MAP4K4: variants seen among roughly 807,000 people sequenced by gnomAD.
MAP4K4 encodes the protein HPK/GCK-like kinase HGK.
MAP4K4 carries 38 observed loss-of-function variants against 189.6 expected under a neutral mutation model. That is an observed-to-expected ratio of 0.20 (90% CI 0.15 to 0.26). The LOEUF (loss-of-function observed/expected upper bound fraction) is 0.26. MAP4K4 is among the 10% of genes least tolerant of loss of function. MAP4K4 has a pLI of 1.00. For synonymous variants in MAP4K4, 610 were observed against 624.3 expected (o/e 0.98, Z 0.34); for missense variants, 1,054 against 1,726.9 (o/e 0.61, Z 6.91).
At chr2:101,889,460 C>A (rs1390517204) in intron 32 of MAP4K4, among the ~76,000 whole-genome samples, 2 of 152,112 alleles carry the variant, frequency 1.3e-5, no homozygotes, top group African/African-American at 4.8e-5. Context: ...TGGCATGACA[C>A]CCCCTTTGCT....
At chr2:101,804,696 C>T (rs768723290) in intron 3 of MAP4K4, among the ~76,000 whole-genome samples, 5 of 152,130 alleles carry the variant, frequency 3.3e-5, no homozygotes, top group Non-Finnish European at 7.4e-5. Context: ...AACCAGTTCT[C>T]GAGGGTAGCT....
chr2:101,876,980 GC>G, intron 26 of MAP4K4, 22 bp from the exon 27 acceptor site: 1 of 1,613,158 alleles, frequency 6.2e-7, no homozygotes, highest in Non-Finnish European at 8.5e-7. Flanking sequence ...TAAAATTGAG[GC>G]CTTTCTGTGT....
chr2:101,829,960 A>T (rs1314131469), intron 6 of MAP4K4, among the ~76,000 whole-genome samples: 1 of 151,826 alleles, frequency 6.6e-6, no homozygotes, highest in Non-Finnish European at 1.5e-5. Flanking sequence ...TTCCCTCCTC[A>T]TTTTATGTCC....
intron 2 of MAP4K4, among the ~76,000 whole-genome samples, chr2:101,770,812 A>G (rs919827265): frequency 4.6e-5 from 7 of 152,188 alleles, no homozygotes; most frequent in African/African-American, 1.7e-4. Context: ...CAAGACCCAT[A>G]ATTGTCCCAG....
intron 31 of MAP4K4, 70 bp from the exon 32 acceptor site, chr2:101,888,726 T>TGA: frequency 8.9e-7 from 1 of 1,120,852 alleles, no homozygotes; most frequent in Non-Finnish European, 1.2e-6. Flanking sequence ...ATATTTTTAT[T>TGA]AAGTAAGCAA....
At chr2:101,817,396 G>C (rs1024041916) in intron 3 of MAP4K4, among the ~76,000 whole-genome samples, 42 of 152,128 alleles carry the variant, frequency 2.8e-4, no homozygotes, top group African/African-American at 9.9e-4. Context: ...CTCCTTGTGG[G>C]TCATTCAGGC....
intron 2 of MAP4K4, among the ~76,000 whole-genome samples, chr2:101,731,195 C>G (rs1033215293): frequency 1.1e-4 from 16 of 151,884 alleles, no homozygotes; most frequent in African/African-American, 3.9e-4. Context: ...CGGCTCACTG[C>G]AACCTCCGCC....
Position 101,889,011 on chromosome 2 carries a change from T to A in MAP4K4, c.4071+76T>A, listed in dbSNP as rs981249151. The A allele has an allele frequency of 2.6e-5, 33 of 1,267,434 alleles. No individual in the cohort carries two copies. The Middle Eastern group carries it at 9.8e-4, about 38-fold the overall frequency. 78.5% of individuals were successfully genotyped at this position (1,267,434 alleles called of 1,614,324 possible). A position where few individuals can be genotyped will look rare whatever the true frequency, so the allele number is the denominator to read the frequency against. On this transcript the variant is annotated intron_variant, in intron 32 of 32. Coordinates refer to ENST00000324219, the Ensembl canonical transcript of MAP4K4. ...GCTTGTTTTCCATGGAGTTTGATGA[T>A]TAATTTCCTTGGAGTTTTGATAAAA...
At chr2:101,718,864 A>C (rs949668410) in intron 2 of MAP4K4, among the ~76,000 whole-genome samples, 1 of 152,120 alleles carries the variant, frequency 6.6e-6, no homozygotes, top group Non-Finnish European at 1.5e-5. Context: ...CCATACTTTC[A>C]ATAGTAAGGA....
At chr2:101,725,400 AC>A (rs1157174054) in intron 2 of MAP4K4, among the ~76,000 whole-genome samples, 41 of 148,968 alleles carry the variant, frequency 2.8e-4, no homozygotes, top group Non-Finnish European at 4.6e-4. Context: ...AAAAAAAAAA[AC>A]AAAAACAAAA....
chr2:101,891,142 C>T (rs370121619), intron 32 of MAP4K4, 24 bp from the exon 33 acceptor site: 7 of 1,593,748 alleles, frequency 4.4e-6, no homozygotes, highest in African/African-American at 1.3e-5. Flanking sequence ...GGTAACCATT[C>T]CCTCTCTTTT....
rs147009113 is a variant in MAP4K4, at chr2:101,870,606, G to GTCT, written c.2760+192_2760+194dup. ...CTGCATGCCCAGAAGGTAGCGAGTAGTCTCCACCCCACATCGCTGCTCCTC... is the reference window on the plus strand; with the variant it reads ...CTGCATGCCCAGAAGGTAGCGAGTAGTCTTCTCCACCCCACATCGCTGCTCCTC... On this transcript the variant is annotated intron_variant, in intron 23 of 32. Transcript: ENST00000324219. 2,201 of 638,520 alleles carry GTCT rather than the reference G, an allele frequency of 3.4e-3. 48 individuals carry two copies. The African/African-American group carries it at 0.037, about 11-fold the overall frequency. 39.6% of individuals were successfully genotyped at this position (638,520 alleles called of 1,614,324 possible).
chr2:101,859,719 A>G (rs1281902801), exon 15 of MAP4K4: 1 of 1,612,654 alleles, frequency 6.2e-7, no homozygotes, highest in South Asian at 1.1e-5. Flanking sequence ...GAACAAGCAT[A>G]TCTCCTGTCT....
At chr2:101,770,694 A>G (rs955674349) in intron 2 of MAP4K4, among the ~76,000 whole-genome samples, 9 of 152,214 alleles carry the variant, frequency 5.9e-5, no homozygotes, top group African/African-American at 2.2e-4. Context: ...AATAGAGAGT[A>G]GGTCTTCATG....
intron 2 of MAP4K4, among the ~76,000 whole-genome samples, chr2:101,757,955 A>G (rs2073770879): frequency 6.6e-6 from 1 of 152,168 alleles, no homozygotes; most frequent in African/African-American, 2.4e-5. Flanking sequence ...AACCTGGGAG[A>G]TGGAGGTTGC....
chr2:101,854,686 A>G (rs1330165072), intron 12 of MAP4K4, among the ~76,000 whole-genome samples: 1 of 152,212 alleles, frequency 6.6e-6, no homozygotes, highest in Admixed American at 6.5e-5. Context: ...TACTTAAACT[A>G]TAATAAATAT....
At chr2:101,878,580 C>T (rs1197271813) in intron 27 of MAP4K4, among the ~76,000 whole-genome samples, 3 of 152,042 alleles carry the variant, frequency 2.0e-5, no homozygotes, top group Non-Finnish European at 4.4e-5. Context: ...TCCCTTTTTT[C>T]TCTCATGTGA....
At chr2:101,738,864 C>G (rs2061513154) in intron 2 of MAP4K4, among the ~76,000 whole-genome samples, 1 of 152,024 alleles carries the variant, frequency 6.6e-6, no homozygotes, top group Non-Finnish European at 1.5e-5. Context: ...CCCAAGAACC[C>G]ATTTTTGTAG....
intron 3 of MAP4K4, among the ~76,000 whole-genome samples, chr2:101,812,884 T>C (rs1271381230): frequency 6.6e-6 from 1 of 152,156 alleles, no homozygotes; most frequent in East Asian, 1.9e-4. Context: ...TCCCAGCACT[T>C]TGGGAGGCCG....
Sources: allele counts gnomAD v4.1 joint callset (sites outside exome capture counted in the v4.1 genomes callset), GRCh38; gene constraint gnomAD v4.1.1; transcripts MANE v1.5; gene names NCBI Gene and HGNC (gene_info 2026-07-23, HGNC 2026-07-21).